The following ARSD variants were observed in gnomAD, a reference collection of about 807,000 sequenced individuals.
ARSD encodes the protein arylsulfatase D.
Under a neutral mutation model 32.6 loss-of-function variants are expected in ARSD, and 21 were observed. The observed-to-expected ratio is 0.64, with a 90% CI of 0.46 to 0.93. The LOEUF is 0.93. ARSD is among the 40% of genes least tolerant of loss of function. The pLI, the probability that ARSD is intolerant of heterozygous loss-of-function variation, is 0.00. For missense variants in ARSD, 454 were observed against 520.9 expected, an observed-to-expected ratio of 0.87 and a Z score of 1.25; for synonymous variants, 224 against 237.4, an observed-to-expected ratio of 0.94 and a Z score of 0.52.
rs374885205 is a variant in ARSD, at chrX:2,916,904, C to G, written c.863+900G>C. Reference sequence around the variant, plus strand: ...ATCGTTATTCAGTGTATACATGTAACAAAATTTCACACATACCCCATACAT... The same window carrying G: ...ATCGTTATTCAGTGTATACATGTAAGAAAATTTCACACATACCCCATACAT... On this transcript the variant is annotated intron_variant, in intron 5 of 9. Coordinates refer to ENST00000381154, the MANE Select transcript of ARSD (RefSeq NM_001669.4). Among the ~76,000 whole-genome samples, 6 of 110,718 alleles carry G rather than the reference C, an allele frequency of 5.4e-5. No individual in the cohort carries two copies. The East Asian group carries it at 1.4e-3, about 26-fold the overall frequency.
chrX:2,923,033 T>A lies in ARSD; in HGVS notation c.195-1009A>T, dbSNP rs766171688. On this transcript the variant is annotated intron_variant, in intron 2 of 9. Coordinates refer to ENST00000381154, the MANE Select transcript of ARSD (RefSeq NM_001669.4). ...AAAGACCACAGGTTACATAATTCCA[T>A]CTGTATGAAATGTCCCTAACAGGGG... The A allele has an allele frequency of 1.8e-3, 220 of 122,573 alleles. 1 individual carries two copies. The highest frequency in any genetic ancestry group is 3.3e-3 in the Non-Finnish European group (200 of 60,858). The allele number at this position is 122,573 out of a possible 1,213,427, so 10.1% of individuals were successfully genotyped here. A position where few individuals can be genotyped will look rare whatever the true frequency, so the allele number is the denominator to read the frequency against.
intron 6 of ARSD, among the ~76,000 whole-genome samples, chrX:2,913,022 A>G (rs1183007572): frequency 8.9e-6 from 1 of 112,361 alleles, no homozygotes; most frequent in Admixed American, 9.5e-5. Flanking sequence ...TAAGAATGAC[A>G]CAGCCTCAGG....
chrX:2,915,853 C>T (rs1237599058), intron 5 of ARSD, among the ~76,000 whole-genome samples, 161 bp from the exon 6 acceptor site: 3 of 111,258 alleles, frequency 2.7e-5, no homozygotes, highest in African/African-American at 9.8e-5. Context: ...AATGGTGGGC[C>T]AGGCGTGGTG....
chrX:2,907,971 G>A, intron 9 of ARSD: 10 of 833,408 alleles, frequency 1.2e-5, no homozygotes, highest in African/African-American at 2.1e-5. Flanking sequence ...GTTCAGCGTC[G>A]ATCTACTACC....
In ARSD at chrX:2,921,885, C is replaced by G. The variant is rs779570133; in HGVS notation, c.316+18G>C. 5 of 1,204,936 alleles carry G rather than the reference C, an allele frequency of 4.1e-6. No individual in the cohort carries two copies. The highest frequency in any genetic ancestry group is 5.6e-6 in the Non-Finnish European group (5 of 891,175). ...CACACAGATGTACCCATTTCTCCAT[C>G]ATCTCCGTGACACCAACCTGATCTG... On this transcript the variant is annotated intron_variant, in intron 3 of 9. Transcript: ENST00000381154.
At chrX:2,911,575 C>T (rs766174735) in intron 6 of ARSD, among the ~76,000 whole-genome samples, 3 of 103,813 alleles carry the variant, frequency 2.9e-5, no homozygotes, top group African/African-American at 1.1e-4. Context: ...GAGGCTGAGG[C>T]AGGAGAATGG....
chrX:2,910,101 G>A (rs1603461031), intron 7 of ARSD, 122 bp from the exon 8 acceptor site: 1 of 929,057 alleles, frequency 1.1e-6, no homozygotes, highest in East Asian at 3.5e-5. Context: ...CATGCACACT[G>A]GGGCAGCCTC....
At chrX:2,923,065 T>C (rs1443970608) in intron 2 of ARSD, 1 of 142,553 alleles carries the variant, frequency 7.0e-6, no homozygotes, top group Non-Finnish European at 1.4e-5. Flanking sequence ...GGGGAATCTA[T>C]AGAGATGGAA....
chrX:2,928,881 G>A (rs2089120136), intron 1 of ARSD, among the ~76,000 whole-genome samples: 1 of 112,160 alleles, frequency 8.9e-6, no homozygotes, highest in African/African-American at 3.2e-5. Flanking sequence ...AGCAGGGCGT[G>A]ACCGGCCCAG....
chrX:2,920,824 G>T (rs1009057701), intron 3 of ARSD, 101 bp from the exon 4 acceptor site: 2 of 1,008,027 alleles, frequency 2.0e-6, no homozygotes, highest in East Asian at 3.1e-5. Context: ...TTGTGCACCC[G>T]AGCCAGGCTG....
chrX:2,907,017 T>C lies in ARSD; in HGVS notation c.*254A>G, dbSNP rs1465726294. Reference sequence around the variant, plus strand: ...CTGTAATCCTGGGTACTCAGGAGGCTGAGGCAGGAAAATCGCTTGAACCCG... The same window carrying C: ...CTGTAATCCTGGGTACTCAGGAGGCCGAGGCAGGAAAATCGCTTGAACCCG... On this transcript the variant is annotated 3_prime_UTR_variant, in exon 10 of 10. Transcript: ENST00000381154. 6.9e-6 allele frequency: 2 copies of C among 290,426 alleles called. No individual in the cohort carries two copies. Among genetic ancestry groups the C allele is most frequent in the Non-Finnish European group, 1.2e-5 (2 of 167,821 alleles). The allele number at this position is 290,426 out of a possible 1,213,427, so 23.9% of individuals were successfully genotyped here.
intron 6 of ARSD, chrX:2,914,730 C>T (rs78142040): frequency 4.9e-6 from 5 of 1,027,516 alleles, no homozygotes; most frequent in Middle Eastern, 2.9e-4. Context: ...TTAACTTTAT[C>T]GCTTCACTTT....
At chrX:2,913,740 T>C in intron 6 of ARSD, 1 of 945,925 alleles carries the variant, frequency 1.1e-6, no homozygotes, top group Non-Finnish European at 1.4e-6. Context: ...GTTGACAATA[T>C]AGTTTGGATG....
intron 2 of ARSD, chrX:2,923,227 A>G: frequency 4.0e-6 from 1 of 247,648 alleles, no homozygotes; most frequent in Non-Finnish European, 7.8e-6. Flanking sequence ...TCATCCCAGC[A>G]CTTTGGGGGG....
At position 2,916,383 on chromosome X, in the gene ARSD, G is replaced by A. The variant is rs1246744206; in HGVS notation, c.864-691C>T. Among the ~76,000 whole-genome samples, 3 of 108,815 alleles carry A rather than the reference G, an allele frequency of 2.8e-5. No homozygotes were observed. In the South Asian group the frequency reaches 1.2e-3, roughly 44 times the overall value. 94.5% of individuals were successfully genotyped at this position (108,815 alleles called of 115,157 possible). The stretch of plus-strand genomic sequence containing the variant: ...TGGGGTGGCAGGTGCCTGTAATCTC[G>A]GCCACTCAAGAGGCTGAGGCACGAG... On this transcript the variant is annotated intron_variant, in intron 5 of 9. Coordinates refer to ENST00000381154, the MANE Select transcript of ARSD (RefSeq NM_001669.4).
Position 2,907,636 on chromosome X carries a change from G to C in ARSD, c.1421-4C>G. 1 of 1,101,520 alleles carries C rather than the reference G, an allele frequency of 9.1e-7. No individual in the cohort carries two copies. The highest frequency in any genetic ancestry group is 1.2e-6 in the Non-Finnish European group (1 of 841,621). The allele number at this position is 1,101,520 out of a possible 1,213,427, so 90.8% of individuals were successfully genotyped here. On this transcript the variant is annotated splice_polypyrimidine_tract_variant and splice_region_variant and intron_variant, in intron 9 of 9. Coordinates refer to ENST00000381154, the MANE Select transcript of ARSD (RefSeq NM_001669.4). ...TGAACCTTCCAGACGCTTCCACCTGGATGCAGACAAGAAGGGAGTCAGGGT... is the reference window on the plus strand; with the variant it reads ...TGAACCTTCCAGACGCTTCCACCTGCATGCAGACAAGAAGGGAGTCAGGGT...
chrX:2,913,091 G>A (rs778926344), intron 6 of ARSD, among the ~76,000 whole-genome samples: 2 of 112,103 alleles, frequency 1.8e-5, no homozygotes, highest in South Asian at 7.5e-4. Flanking sequence ...GTATACTTTA[G>A]GGAGACATGA....
intron 1 of ARSD, 86 bp downstream of exon 1, chrX:2,929,146 G>A: frequency 1.1e-6 from 1 of 895,121 alleles, no homozygotes; most frequent in Non-Finnish European, 1.4e-6. Flanking sequence ...AGGCTCGCCC[G>A]GGGCGCCCCT....
intron 6 of ARSD, chrX:2,914,296 A>C (rs1442352909): frequency 6.3e-6 from 4 of 632,570 alleles, no homozygotes; most frequent in Non-Finnish European, 7.6e-6. Context: ...GTGGTGCAAT[A>C]ATTATAGCTC....
Sources: allele counts gnomAD v4.1 joint callset (sites outside exome capture counted in the v4.1 genomes callset), GRCh38; gene constraint gnomAD v4.1.1; transcripts MANE v1.5; gene names NCBI Gene and HGNC (gene_info 2026-07-23, HGNC 2026-07-21).